UGT1A3: variants seen among roughly 807,000 people sequenced by gnomAD.
UGT1A3 encodes UDP-glucuronosyltransferase 1A3.
Under a neutral mutation model 41.0 loss-of-function variants are expected in UGT1A3, and 31 were observed. The ratio of observed to expected loss-of-function variants is 0.76; its 90% CI spans 0.57 to 1.02. The LOEUF (loss-of-function observed/expected upper bound fraction) is 1.02, where lower values mean the gene tolerates loss of function less well. Ranked by LOEUF, UGT1A3 falls within the 50% of genes least tolerant of loss-of-function variation. UGT1A3 has a pLI of 0.00. For synonymous variants in UGT1A3, 262 were observed against 257.6 expected (o/e 1.02, Z -0.17); for missense variants, 737 against 671.0 (o/e 1.10, Z -1.09).
At chr2:233,748,000 T>C in intron 1 of UGT1A3, 1 of 1,613,538 alleles carries the variant, frequency 6.2e-7, no homozygotes, top group East Asian at 2.2e-5. Context: ...GACTTTGTGA[T>C]GGATTACCCC....
rs950198102 is a variant in UGT1A3 at position 233,769,900 on chromosome 2, C to G, written c.1307+1461C>G. ...TGAAAAGTCCACATAACCTGAGCAT[C>G]ATGTGCCCAGAGCGTTGGGTGGTGT... is the stretch of plus-strand genomic sequence containing the variant. On this transcript the variant is annotated intron_variant, in intron 4 of 4. Transcript: ENST00000482026. The surrounding 1 kb of genome is among the most constrained non-coding windows in gnomAD (Gnocchi z 4.4). 3.8e-5 allele frequency: 13 copies of G among 342,836 alleles called. No individual in the cohort carries two copies. The highest frequency in any genetic ancestry group is 6.8e-5 in the Non-Finnish European group (13 of 189,812). 21.2% of individuals were successfully genotyped at this position (342,836 alleles called of 1,614,324 possible). A position where few individuals can be genotyped will look rare whatever the true frequency, so the allele number is the denominator to read the frequency against.
chr2:233,763,738 G>A (rs1302450820), intron 1 of UGT1A3, among the ~76,000 whole-genome samples: 6 of 152,164 alleles, frequency 3.9e-5, no homozygotes, highest in Non-Finnish European at 8.8e-5. Flanking sequence ...TGGCATTGGC[G>A]TGTCTTTGGT....
chr2:233,755,038 C>A (rs751084795), intron 1 of UGT1A3: 1 of 1,320,112 alleles, frequency 7.6e-7, no homozygotes, highest in South Asian at 1.1e-5. Flanking sequence ...CTGCCGCCTG[C>A]GCAGCCGCCC....
At chr2:233,746,265 C>T (rs187514797) in intron 1 of UGT1A3, among the ~76,000 whole-genome samples, 21 of 151,710 alleles carry the variant, frequency 1.4e-4, no homozygotes, top group Admixed American at 8.5e-4. Context: ...CAGAACAAAA[C>T]GCTGTGGGGA....
intron 1 of UGT1A3, among the ~76,000 whole-genome samples, chr2:233,737,452 T>A (rs1303552589): frequency 6.6e-6 from 1 of 152,148 alleles, no homozygotes; most frequent in Non-Finnish European, 1.5e-5. Flanking sequence ...TTTTTCCAGG[T>A]ACAGTCTGTC....
chr2:233,734,133 G>T lies in UGT1A3; in HGVS notation c.867+4140G>T, dbSNP rs9711095. Among the ~76,000 whole-genome samples the T allele has an allele frequency of 6.7e-3, 1,025 of 152,076 alleles. 39 individuals carry two copies. Among genetic ancestry groups the T allele is most frequent in the Admixed American group, 0.052 (802 of 15,280 alleles). ...ATAATAATAATAATAAAAAGAATTTGGCTGTGAATCCATCTGGTCCTGGAC... is the reference window on the plus strand; with the variant it reads ...ATAATAATAATAATAAAAAGAATTTTGCTGTGAATCCATCTGGTCCTGGAC... On this transcript the variant is annotated intron_variant, in intron 1 of 4. Transcript: ENST00000482026.
At chr2:233,754,129 A>C (rs1290911546) in intron 1 of UGT1A3, among the ~76,000 whole-genome samples, 1 of 152,214 alleles carries the variant, frequency 6.6e-6, no homozygotes, top group African/African-American at 2.4e-5. Context: ...TTTATGTGCA[A>C]TTAAAAGCCA....
chr2:233,747,362 G>A, intron 1 of UGT1A3: 1 of 1,603,780 alleles, frequency 6.2e-7, no homozygotes, highest in Non-Finnish European at 8.5e-7. Flanking sequence ...CCGTGCGGGA[G>A]CTCCATGCCA....
chr2:233,734,120 A>G (rs2078485100), intron 1 of UGT1A3, among the ~76,000 whole-genome samples: 1 of 152,036 alleles, frequency 6.6e-6, no homozygotes, highest in Non-Finnish European at 1.5e-5. Context: ...AATAATAATA[A>G]TAAAAAGAAT....
chr2:233,762,199 A>G (rs532806601), intron 1 of UGT1A3, among the ~76,000 whole-genome samples: 7 of 152,296 alleles, frequency 4.6e-5, no homozygotes, highest in Admixed American at 6.5e-5. Context: ...ATGGGTCTGC[A>G]TGTATTTGGC....
Position 233,772,565 on chromosome 2 carries a change from G to A in UGT1A3, c.*6G>A. ...ACAAATCCAAGACCCATTGAGAAGT[G>A]GGTGGGAAATAAGGTAAAATTTTGA... On this transcript the variant is annotated 3_prime_UTR_variant, in exon 5 of 5. Coordinates refer to ENST00000482026, the MANE Select transcript of UGT1A3 (RefSeq NM_019093.4). 6.2e-7 allele frequency: 1 copy of A among 1,613,202 alleles called. No homozygotes were observed.
intron 1 of UGT1A3, among the ~76,000 whole-genome samples, chr2:233,749,509 A>G (rs912225239): frequency 2.6e-5 from 4 of 151,940 alleles, no homozygotes; most frequent in African/African-American, 7.3e-5. Context: ...GAATTAGAGA[A>G]CACTAGCAAG....
intron 1 of UGT1A3, among the ~76,000 whole-genome samples, chr2:233,745,600 C>T (rs1179957536): frequency 6.6e-6 from 1 of 151,524 alleles, no homozygotes; most frequent in African/African-American, 2.4e-5. Flanking sequence ...GGACTTGGCA[C>T]TTGGTAAGCA....
intron 1 of UGT1A3, among the ~76,000 whole-genome samples, chr2:233,751,545 C>T (rs562388554): frequency 7.0e-4 from 106 of 152,320 alleles, no homozygotes; most frequent in Non-Finnish European, 1.4e-3. Context: ...TGTGTTTCCA[C>T]CCAAATCTCA....
chr2:233,748,973 C>T (rs1032988654), intron 1 of UGT1A3, among the ~76,000 whole-genome samples: 3 of 151,678 alleles, frequency 2.0e-5, no homozygotes, highest in African/African-American at 7.3e-5. Flanking sequence ...ATAGTGGGAT[C>T]TACTTCTTTA....
At chr2:233,760,415 T>A (rs2125983730) in intron 1 of UGT1A3, 1 of 1,614,208 alleles carries the variant, frequency 6.2e-7, no homozygotes, top group Non-Finnish European at 8.5e-7. Flanking sequence ...TGGCTGAGCA[T>A]GCTTGGGGCC....
chr2:233,757,535 A>AATATATATACATATACATATATACAT (rs376887521), intron 1 of UGT1A3, among the ~76,000 whole-genome samples: 3 of 88,312 alleles, frequency 3.4e-5, no homozygotes, highest in African/African-American at 1.5e-4. Context: ...GCCTGTAAGG[A>AATATATATACATATACATATATACAT]ATATATATAT....
In UGT1A3 at chr2:233,739,366, G is replaced by T. The variant is rs191477827; in HGVS notation, c.867+9373G>T. 3.4e-3 allele frequency among the ~76,000 whole-genome samples: 523 copies of T among 152,270 alleles called. 13 individuals carry two copies. Among genetic ancestry groups the T allele is most frequent in the East Asian group, 3.5e-3 (18 of 5,178 alleles). On this transcript the variant is annotated intron_variant, in intron 1 of 4. Transcript: ENST00000482026. Reference sequence around the variant, plus strand: ...CCCAGAAGGGCAGATCCAATAGCTTGCACTGTGTGCCTGGAAGAGCCACAG... The same window carrying T: ...CCCAGAAGGGCAGATCCAATAGCTTTCACTGTGTGCCTGGAAGAGCCACAG...
Position 233,760,935 on chromosome 2 carries a change from C to CT in UGT1A3, c.868-6095dup. On this transcript the variant is annotated intron_variant, in intron 1 of 4. Coordinates refer to ENST00000482026, the MANE Select transcript of UGT1A3 (RefSeq NM_019093.4). ...AGCGGGTGAAGAACATGCTCATTGCCTTTTCACAGAACTTTCTGTGCGACG... is the reference window on the plus strand; with the variant it reads ...AGCGGGTGAAGAACATGCTCATTGCCTTTTTCACAGAACTTTCTGTGCGACG... 6.2e-7 allele frequency: 1 copy of CT among 1,614,200 alleles called. No individual in the cohort carries two copies. Among genetic ancestry groups the CT allele is most frequent in the Non-Finnish European group, 8.5e-7 (1 of 1,180,050 alleles).
Sources: allele counts gnomAD v4.1 joint callset (sites outside exome capture counted in the v4.1 genomes callset), GRCh38; gene constraint gnomAD v4.1.1; non-coding constraint Gnocchi (gnomAD v3.1); transcripts MANE v1.5; gene names NCBI Gene and HGNC (gene_info 2026-07-23, HGNC 2026-07-21).